Variants in SFMBT2 observed in about 807,000 individuals in gnomAD.
The protein encoded by SFMBT2 is scm-like with four MBT domains protein 2.
Under a neutral mutation model 110.1 loss-of-function variants are expected in SFMBT2, and 38 were observed. The observed-to-expected ratio is 0.35, with a 90% CI of 0.27 to 0.45. SFMBT2 has a LOEUF of 0.45. Among genes scored for constraint, SFMBT2 ranks in the 20% least tolerant of loss-of-function variants. The probability of loss-of-function intolerance (pLI) is 1.00; values close to 1 mark genes in which losing one functional copy is unlikely to be tolerated. For missense variants in SFMBT2, 1,011 were observed against 1,094.9 expected (o/e 0.92, Z 1.08); for synonymous variants, 425 against 425.4 (o/e 1.00, Z 0.01).
At chr10:7,243,171 G>T (rs11255057) in intron 9 of SFMBT2, among the ~76,000 whole-genome samples, 1 of 152,216 alleles carries the variant, frequency 6.6e-6, no homozygotes, top group East Asian at 1.9e-4. Context: ...AGCTTAGCTC[G>T]CTGGAAATAA....
At chr10:7,383,195 T>G (rs1845476488) in intron 1 of SFMBT2, among the ~76,000 whole-genome samples, 1 of 152,190 alleles carries the variant, frequency 6.6e-6, no homozygotes, top group South Asian at 2.1e-4. Context: ...TCGGAGGTTT[T>G]GTCAAAATTG....
intron 2 of SFMBT2, among the ~76,000 whole-genome samples, chr10:7,373,860 C>T (rs897276685): frequency 6.6e-6 from 1 of 152,154 alleles, no homozygotes; most frequent in Non-Finnish European, 1.5e-5. Flanking sequence ...CGGCATGAAA[C>T]TCAGTCCTGG....
At chr10:7,329,044 T>C (rs1241035180) in intron 4 of SFMBT2, among the ~76,000 whole-genome samples, 1 of 152,222 alleles carries the variant, frequency 6.6e-6, no homozygotes. Flanking sequence ...CTGCCAGATA[T>C]AGAACCTTCA....
At chr10:7,243,063 TA>T (rs1840485108) in intron 9 of SFMBT2, among the ~76,000 whole-genome samples, 1 of 152,200 alleles carries the variant, frequency 6.6e-6, no homozygotes, top group Non-Finnish European at 1.5e-5. Flanking sequence ...AATCCCAATT[TA>T]AAATTATTTT....
chr10:7,348,391 G>A, intron 4 of SFMBT2: 3 of 1,404,310 alleles, frequency 2.1e-6, no homozygotes, highest in Non-Finnish European at 2.8e-6. Context: ...TATAATCCAT[G>A]ATGGGCTTTG....
Position 7,301,211 on chromosome 10 carries a change from C to T in SFMBT2, c.437-15257G>A, listed in dbSNP as rs899687296. Among the ~76,000 whole-genome samples the T allele has an allele frequency of 6.6e-6, 1 of 152,184 alleles. No individual in the cohort carries two copies. The highest frequency in any genetic ancestry group is 2.4e-5 in the African/African-American group (1 of 41,446). ...GGAAGGGAATAGTCAGCATAAAGAACGTCATGTGCAAATCAGCATGAGGCA... is the reference window on the plus strand; with the variant it reads ...GGAAGGGAATAGTCAGCATAAAGAATGTCATGTGCAAATCAGCATGAGGCA... On this transcript the variant is annotated intron_variant, in intron 4 of 20. Transcript: ENST00000397167. This position sits in a 1 kb window ranked among gnomAD's most constrained non-coding sequence, Gnocchi z 4.2.
chr10:7,225,637 C>T (rs758044452), intron 10 of SFMBT2, among the ~76,000 whole-genome samples: 2 of 152,118 alleles, frequency 1.3e-5, no homozygotes, highest in African/African-American at 2.4e-5. Context: ...ATTTACTCTA[C>T]CATTCAAAGC....
At chr10:7,366,353 G>A (rs1235673153) in intron 4 of SFMBT2, among the ~76,000 whole-genome samples, 1 of 150,504 alleles carries the variant, frequency 6.6e-6, no homozygotes, top group Non-Finnish European at 1.5e-5. Context: ...TTCTTAGCAG[G>A]CTATCAATTA....
At chr10:7,346,661 A>G (rs1036177654) in intron 4 of SFMBT2, among the ~76,000 whole-genome samples, 3 of 152,086 alleles carry the variant, frequency 2.0e-5, no homozygotes, top group Non-Finnish European at 2.9e-5. Context: ...CCAAAGATGA[A>G]CTAGTTATCT....
intron 16 of SFMBT2, among the ~76,000 whole-genome samples, chr10:7,187,562 C>T (rs1838456666): frequency 6.6e-6 from 1 of 152,134 alleles, no homozygotes; most frequent in African/African-American, 2.4e-5. Flanking sequence ...TATGATTAGA[C>T]CATAAATAAG....
chr10:7,189,652 C>T (rs917058000), intron 15 of SFMBT2, among the ~76,000 whole-genome samples: 42 of 152,236 alleles, frequency 2.8e-4, no homozygotes, highest in African/African-American at 9.4e-4. Flanking sequence ...AAATGATCCT[C>T]TGTGAAGCTC....
chr10:7,183,170 T>C (rs915618111), intron 16 of SFMBT2, among the ~76,000 whole-genome samples: 1 of 152,144 alleles, frequency 6.6e-6, no homozygotes, highest in Non-Finnish European at 1.5e-5. Flanking sequence ...AACTAAGGAA[T>C]AGCAAAGACA....
chr10:7,354,973 T>C (rs1180742945), intron 4 of SFMBT2, among the ~76,000 whole-genome samples: 1 of 152,244 alleles, frequency 6.6e-6, no homozygotes, highest in Non-Finnish European at 1.5e-5. Context: ...TTTATCTTTA[T>C]CTATTTGGCC....
At chr10:7,251,873 A>T (rs1840822898) in intron 7 of SFMBT2, among the ~76,000 whole-genome samples, 1 of 152,148 alleles carries the variant, frequency 6.6e-6, no homozygotes, top group Non-Finnish European at 1.5e-5. Flanking sequence ...GGGGACAAGC[A>T]TGGGTCTTCT....
intron 7 of SFMBT2, among the ~76,000 whole-genome samples, chr10:7,268,636 G>A (rs1025369671): frequency 2.0e-5 from 3 of 151,840 alleles, no homozygotes; most frequent in Non-Finnish European, 2.9e-5. Flanking sequence ...TCAGCCTCCC[G>A]AGTAGCTGGG....
At chr10:7,313,462 T>A (rs557172196) in intron 4 of SFMBT2, among the ~76,000 whole-genome samples, 1 of 151,990 alleles carries the variant, frequency 6.6e-6, no homozygotes, top group Non-Finnish European at 1.5e-5. Flanking sequence ...GGAGTACAGG[T>A]GAATGCCACC....
Position 7,170,698 on chromosome 10 carries a change from C to A in SFMBT2, c.2544+230G>T, listed in dbSNP as rs558293693. ...CCTGGAAGAGTCACCCCTCCGCCCC[C>A]CACCATGGCACTGGTGGGGCCTGAG... On this transcript the variant is annotated intron_variant, in intron 20 of 20. Coordinates refer to ENST00000397167, the MANE Select transcript of SFMBT2 (RefSeq NM_001387889.1). This position sits in a 1 kb window ranked among gnomAD's most constrained non-coding sequence, Gnocchi z 4.6. Among the ~76,000 whole-genome samples the A allele has an allele frequency of 6.6e-6, 1 of 152,122 alleles. No individual in the cohort carries two copies. The highest frequency in any genetic ancestry group is 1.5e-5 in the Non-Finnish European group (1 of 68,012).
rs531069361 is a variant in SFMBT2 at position 7,350,936 on chromosome 10, T to C, written c.436+16713A>G. ...AGTAGCCACACACCCTCTGGATCTG[T>C]GGATGGGGCTATCCGCTCCTCTGGT... is the stretch of plus-strand genomic sequence containing the variant. On this transcript the variant is annotated intron_variant, in intron 4 of 20. Transcript: ENST00000397167. Among the ~76,000 whole-genome samples, 5 of 152,370 alleles carry C rather than the reference T, an allele frequency of 3.3e-5. No individual in the cohort carries two copies. The South Asian group carries it at 1.0e-3, about 32-fold the overall frequency.
chr10:7,161,820 G>T lies in SFMBT2; in HGVS notation c.*1950C>A, dbSNP rs1032622696. 3.3e-5 allele frequency: 5 copies of T among 152,196 alleles called. No individual in the cohort carries two copies. Among genetic ancestry groups the T allele is most frequent in the Non-Finnish European group, 7.3e-5 (5 of 68,048 alleles). 9.4% of individuals were successfully genotyped at this position (152,196 alleles called of 1,614,324 possible). Reference sequence around the variant, plus strand: ...ATCAAAGTTTCCAAAATCCCACTGAGAATCATATCTGGAAATGTCACAGAA... The same window carrying T: ...ATCAAAGTTTCCAAAATCCCACTGATAATCATATCTGGAAATGTCACAGAA... On this transcript the variant is annotated 3_prime_UTR_variant, in exon 21 of 21. Transcript: ENST00000397167.
Sources: allele counts gnomAD v4.1 joint callset (sites outside exome capture counted in the v4.1 genomes callset), GRCh38; gene constraint gnomAD v4.1.1; non-coding constraint Gnocchi (gnomAD v3.1); transcripts MANE v1.5; gene names NCBI Gene and HGNC (gene_info 2026-07-23, HGNC 2026-07-21).